The following CCDC172 variants were observed in gnomAD, a reference collection of about 807,000 sequenced individuals.
The protein encoded by CCDC172 is coiled-coil domain-containing protein 172.
A neutral mutation model predicts 38.0 loss-of-function variants in CCDC172; 30 were observed. The ratio of observed to expected loss-of-function variants is 0.79; its 90% confidence interval spans 0.59 to 1.07. The LOEUF (loss-of-function observed/expected upper bound fraction) is 1.07. Among genes scored for constraint, CCDC172 ranks in the 50% least tolerant of loss-of-function variants. The probability of loss-of-function intolerance (pLI) is 0.00; values close to 1 mark genes in which losing one functional copy is unlikely to be tolerated. For synonymous variants in CCDC172, 78 were observed against 88.3 expected, an observed-to-expected ratio of 0.88 and a Z score of 0.66; for missense variants, 297 against 290.1, an observed-to-expected ratio of 1.02 and a Z score of -0.17.
chr10:116,374,012 C>G (rs752158311), intron 7 of CCDC172, among the ~76,000 whole-genome samples: 1 of 152,122 alleles, frequency 6.6e-6, no homozygotes, highest in Non-Finnish European at 1.5e-5. Context: ...AAATTGCACA[C>G]CATTCTGAGT....
intron 3 of CCDC172, among the ~76,000 whole-genome samples, chr10:116,333,732 C>T (rs931725662): frequency 2.0e-5 from 3 of 152,154 alleles, no homozygotes; most frequent in African/African-American, 7.2e-5. Flanking sequence ...ATTACTGTCT[C>T]GCTGAGATGA....
intron 8 of CCDC172, among the ~76,000 whole-genome samples, 191 bp from the exon 9 acceptor site, chr10:116,379,132 C>T (rs1455955755): frequency 6.6e-6 from 1 of 151,964 alleles, no homozygotes. Context: ...CATGTTGTTA[C>T]ATATTTTAGG....
chr10:116,324,838 C>T (rs1033429745), intron 1 of CCDC172, 109 bp from the exon 2 acceptor site: 5 of 614,970 alleles, frequency 8.1e-6, no homozygotes, highest in Admixed American at 2.8e-5. Context: ...CCTCAGACAC[C>T]GTCTGGCGTC....
intron 5 of CCDC172, among the ~76,000 whole-genome samples, chr10:116,350,590 T>A (rs184108980): frequency 1.3e-5 from 2 of 152,332 alleles, no homozygotes; most frequent in East Asian, 3.9e-4. Flanking sequence ...AAAATAATGG[T>A]TGTCATAATG....
At chr10:116,345,059 T>A (rs1341110913) in intron 5 of CCDC172, among the ~76,000 whole-genome samples, 1 of 152,066 alleles carries the variant, frequency 6.6e-6, no homozygotes, top group Non-Finnish European at 1.5e-5. Flanking sequence ...AAAACAATTT[T>A]AAAAAGAATA....
At chr10:116,358,474 A>C (rs1435942644) in intron 7 of CCDC172, among the ~76,000 whole-genome samples, 1 of 152,164 alleles carries the variant, frequency 6.6e-6, no homozygotes, top group Non-Finnish European at 1.5e-5. Context: ...AAGTTTTAAA[A>C]TTTGACTCTC....
intron 7 of CCDC172, among the ~76,000 whole-genome samples, chr10:116,373,533 C>T (rs548631696): frequency 6.6e-6 from 1 of 152,258 alleles, no homozygotes; most frequent in East Asian, 1.9e-4. Flanking sequence ...GAGACACAGT[C>T]TCTCTTTGTT....
chr10:116,366,623 T>G (rs1404667384), intron 7 of CCDC172, among the ~76,000 whole-genome samples: 1 of 152,238 alleles, frequency 6.6e-6, no homozygotes, highest in Non-Finnish European at 1.5e-5. Flanking sequence ...GTTTCAAGAT[T>G]TTGGTATCAC....
chr10:116,357,550 A>T, intron 6 of CCDC172, 69 bp downstream of exon 6: 2 of 1,235,224 alleles, frequency 1.6e-6, no homozygotes, highest in South Asian at 3.4e-5. Flanking sequence ...AGGGCATATT[A>T]TTCTTTTAAA....
intron 7 of CCDC172, among the ~76,000 whole-genome samples, chr10:116,376,598 A>G (rs1393407792): frequency 1.3e-5 from 2 of 152,202 alleles, no homozygotes; most frequent in Non-Finnish European, 2.9e-5. Flanking sequence ...TTGGCAATAA[A>G]TTTCCAGAGC....
intron 5 of CCDC172, among the ~76,000 whole-genome samples, chr10:116,342,641 G>T (rs938705790): frequency 3.9e-5 from 6 of 152,134 alleles, no homozygotes; most frequent in Admixed American, 3.9e-4. Flanking sequence ...CACTAGTGAA[G>T]GTTTGGGTCT....
chr10:116,333,221 A>T (rs189114187), intron 3 of CCDC172, among the ~76,000 whole-genome samples: 4 of 151,958 alleles, frequency 2.6e-5, no homozygotes, highest in Non-Finnish European at 5.9e-5. Context: ...ATTCTGTGAG[A>T]TTTGTTCAGA....
intron 5 of CCDC172, among the ~76,000 whole-genome samples, chr10:116,356,534 A>G (rs1050574583): frequency 6.6e-6 from 1 of 152,134 alleles, no homozygotes; most frequent in African/African-American, 2.4e-5. Context: ...AAAGACTTCA[A>G]AAAGCTAAAA....
At chr10:116,339,971 C>T (rs1424036745) in intron 3 of CCDC172, among the ~76,000 whole-genome samples, 1 of 151,854 alleles carries the variant, frequency 6.6e-6, no homozygotes, top group South Asian at 2.1e-4. Flanking sequence ...AAACTGGAAA[C>T]GATGCTTTCT....
rs759699313 is a variant in CCDC172 at position 116,379,375 on chromosome 10, C to T, written c.*17C>T. On this transcript the variant is annotated 3_prime_UTR_variant, in exon 9 of 9. Coordinates refer to ENST00000333254, the MANE Select transcript of CCDC172 (RefSeq NM_198515.3). Reference sequence around the variant, plus strand: ...AGCAAATAACTTACAGAGAATTGATCAGCCATCTGAGATTTGATCAGAATA... The same window carrying T: ...AGCAAATAACTTACAGAGAATTGATTAGCCATCTGAGATTTGATCAGAATA... The T allele has an allele frequency of 6.4e-7, 1 of 1,558,770 alleles. No individual in the cohort carries two copies. The highest frequency in any genetic ancestry group is 1.2e-5 in the South Asian group (1 of 82,892).
At chr10:116,350,548 C>T (rs1481325322) in intron 5 of CCDC172, among the ~76,000 whole-genome samples, 2 of 152,074 alleles carry the variant, frequency 1.3e-5, no homozygotes, top group South Asian at 2.1e-4. Flanking sequence ...TTTGGTAATT[C>T]ATAGATAAAA....
At chr10:116,373,997 A>G (rs1283048651) in intron 7 of CCDC172, among the ~76,000 whole-genome samples, 4 of 152,264 alleles carry the variant, frequency 2.6e-5, no homozygotes, top group Non-Finnish European at 4.4e-5. Flanking sequence ...TAAATAAACA[A>G]TTCTAAATTG....
At chr10:116,366,539 G>T (rs1300065258) in intron 7 of CCDC172, among the ~76,000 whole-genome samples, 1 of 152,036 alleles carries the variant, frequency 6.6e-6, no homozygotes, top group South Asian at 2.1e-4. Flanking sequence ...TTTTTTCTAA[G>T]ATTTACCCAC....
At chr10:116,344,574 G>C (rs1844840344) in intron 5 of CCDC172, among the ~76,000 whole-genome samples, 1 of 152,126 alleles carries the variant, frequency 6.6e-6, no homozygotes, top group East Asian at 1.9e-4. Context: ...GTGAGTGAAT[G>C]GTGTGTGAAT....
Sources: gnomAD v4.1 joint callset for allele counts (sites outside exome capture counted in the v4.1 genomes callset) on GRCh38, gnomAD v4.1.1 for gene constraint, MANE v1.5 for transcripts, NCBI Gene and HGNC (gene_info 2026-07-23, HGNC 2026-07-21) for gene names.